Variants in ZNF493 observed in about 807,000 individuals in gnomAD.
The protein encoded by ZNF493 is zinc finger protein 493.
In ZNF493, 11 loss-of-function variants were observed where a neutral mutation model predicts 12.2. The ratio of observed to expected loss-of-function variants is 0.90; its 90% CI spans 0.57 to 1.50. ZNF493 has a LOEUF of 1.50. Among genes scored for constraint, ZNF493 ranks in the 40% most tolerant of loss-of-function variants. ZNF493 has a pLI of 0.00. For missense variants in ZNF493, 950 were observed against 906.6 expected, an observed-to-expected ratio of 1.05 and a Z score of -0.61; for synonymous variants, 286 against 302.6, an observed-to-expected ratio of 0.95 and a Z score of 0.57.
intron 3 of ZNF493, chr19:21,408,828 A>C (rs1318587186): frequency 2.0e-6 from 2 of 978,170 alleles, no homozygotes; most frequent in East Asian, 2.3e-4. Context: ...TTATCTATAA[A>C]TATGACCCCA....
intron 2 of ZNF493, 108 bp from the exon 3 acceptor site, chr19:21,405,653 G>A: frequency 8.9e-7 from 1 of 1,126,190 alleles, no homozygotes; most frequent in South Asian, 2.0e-5. Flanking sequence ...AGTATTTTGG[G>A]ATAAATTTTC....
At chr19:21,420,149 C>T (rs1016254932) in intron 3 of ZNF493, among the ~76,000 whole-genome samples, 2 of 152,164 alleles carry the variant, frequency 1.3e-5, no homozygotes, top group Admixed American at 1.3e-4. Flanking sequence ...ACACAGGCTT[C>T]TGGACCTCCT....
chr19:21,403,106 T>C (rs968855485), intron 1 of ZNF493, among the ~76,000 whole-genome samples: 9 of 152,242 alleles, frequency 5.9e-5, no homozygotes, highest in Non-Finnish European at 1.0e-4. Flanking sequence ...AGGGACAGAA[T>C]TGTGTCGGGA....
Position 21,424,094 on chromosome 19 carries a change from CAT to C in ZNF493, c.1437_1438del (p.His479GlnfsTer6), listed in dbSNP as rs778338969. The C allele has an allele frequency of 6.8e-5, 110 of 1,612,342 alleles. No individual in the cohort carries two copies. The highest frequency in any genetic ancestry group is 9.0e-5 in the Non-Finnish European group (106 of 1,179,132). The part of the protein sequence containing the change: ...AFKRSSTLTK[H>X]RIIHTEEKPY... ...TAAACGATCTTCAACCCTTACTAAACATAGGATAATTCATACTGAAGAGAAAC... is the reference window on the plus strand; with the variant it reads ...TAAACGATCTTCAACCCTTACTAAACAGGATAATTCATACTGAAGAGAAAC... On this transcript the variant is annotated frameshift_variant, in exon 4 of 4. Transcript: ENST00000392288. LOFTEE classifies it low-confidence loss of function (END_TRUNC).
At chr19:21,413,592 G>T in intron 3 of ZNF493, 2 of 407,068 alleles carry the variant, frequency 4.9e-6, no homozygotes, top group East Asian at 3.5e-5. Flanking sequence ...CAACGAGGGG[G>T]TCCTCGGGAT....
chr19:21,399,154 T>A (rs1286393250), intron 1 of ZNF493, among the ~76,000 whole-genome samples: 1 of 152,020 alleles, frequency 6.6e-6, no homozygotes, highest in Non-Finnish European at 1.5e-5. Context: ...TTTATTTATT[T>A]TTTATTTTTT....
chr19:21,399,165 AT>A (rs1335408106), intron 1 of ZNF493, among the ~76,000 whole-genome samples: 1 of 151,576 alleles, frequency 6.6e-6, no homozygotes, highest in Non-Finnish European at 1.5e-5. Flanking sequence ...TTTATTTTTT[AT>A]TTTTTTATTT....
intron 1 of ZNF493, among the ~76,000 whole-genome samples, chr19:21,402,188 C>T (rs779293316): frequency 1.3e-5 from 2 of 150,648 alleles, no homozygotes; most frequent in Admixed American, 6.6e-5. Flanking sequence ...AGGCTGGTCT[C>T]GATCTCCTGA....
At chr19:21,408,153 G>A in intron 3 of ZNF493, 1 of 944,034 alleles carries the variant, frequency 1.1e-6, no homozygotes, top group Non-Finnish European at 1.2e-6. Flanking sequence ...TGAGACAGGA[G>A]TCTCGCTCTG....
intron 3 of ZNF493, among the ~76,000 whole-genome samples, chr19:21,421,452 A>G (rs1360047528): frequency 6.6e-6 from 1 of 151,338 alleles, no homozygotes; most frequent in African/African-American, 2.4e-5. Context: ...CACAACTTCC[A>G]CCTCCCAGGT....
At chr19:21,408,799 A>G (rs2030221997) in intron 3 of ZNF493, 7 of 980,864 alleles carry the variant, frequency 7.1e-6, no homozygotes, top group Non-Finnish European at 8.5e-6. Flanking sequence ...GTCTATCACA[A>G]TCATATATGT....
rs576884770 is a variant in ZNF493 at position 21,427,076 on chromosome 19, G to A, written c.*2092G>A. On this transcript the variant is annotated 3_prime_UTR_variant, in exon 4 of 4. Transcript: ENST00000392288. ...GTGATCATTTGTTGCTGCATCAGAG[G>A]TATGAGAGATTCTTCTTCATTAGAT... 8.4e-5 allele frequency: 14 copies of A among 167,034 alleles called. No homozygotes were observed. The highest frequency in any genetic ancestry group is 6.2e-4 in the South Asian group (3 of 4,826). 10.3% of individuals were successfully genotyped at this position (167,034 alleles called of 1,614,324 possible).
At position 21,423,976 on chromosome 19, in the gene ZNF493, C is replaced by T; in HGVS notation, c.1317C>T (p.Gly439=). ...GEKPYKCEEC[G]KTFSVFSILT... The stretch of plus-strand genomic sequence containing the variant: ...AACCCTACAAATGTGAAGAATGTGG[C>T]AAAACCTTTAGTGTATTCTCAATTC... The change falls in exon 4 of 4, where the codon GGC becomes GGT. Residue 439 remains glycine (G), a synonymous_variant. Coordinates refer to ENST00000392288, the MANE Select transcript of ZNF493 (RefSeq NM_001076678.3). 6.2e-7 allele frequency: 1 copy of T among 1,613,476 alleles called. No individual in the cohort carries two copies. The highest frequency in any genetic ancestry group is 8.5e-7 in the Non-Finnish European group (1 of 1,179,802).
chr19:21,405,897 T>C, intron 3 of ZNF493, 41 bp downstream of exon 3: 1 of 555,798 alleles, frequency 1.8e-6, no homozygotes, highest in Non-Finnish European at 2.7e-6. Flanking sequence ...AGATGAAAGG[T>C]TGAAAGATTT....
At chr19:21,397,311 G>T (rs890941001) in intron 1 of ZNF493, 44 bp downstream of exon 1, 1 of 1,613,300 alleles carries the variant, frequency 6.2e-7, no homozygotes, top group Non-Finnish European at 8.5e-7. Context: ...GGAAGGAGTT[G>T]CTCGGAACCG....
intron 3 of ZNF493, among the ~76,000 whole-genome samples, chr19:21,420,684 C>G (rs1319250232): frequency 9.3e-6 from 1 of 107,078 alleles, no homozygotes; most frequent in Non-Finnish European, 1.7e-5. Context: ...ACACAATATC[C>G]TTCTGGCCTG....
chr19:21,419,411 C>A (rs1400561710), intron 3 of ZNF493, among the ~76,000 whole-genome samples: 1 of 152,144 alleles, frequency 6.6e-6, no homozygotes, highest in Non-Finnish European at 1.5e-5. Context: ...TTTTAACTCA[C>A]ATGATCACAA....
In ZNF493 at chr19:21,426,745, TAAAA is replaced by T. The variant is rs1190144468; in HGVS notation, c.*1766_*1769del. 6.0e-6 allele frequency: 1 copy of T among 166,736 alleles called. No individual in the cohort carries two copies. Among genetic ancestry groups the T allele is most frequent in the Non-Finnish European group, 1.5e-5 (1 of 67,988 alleles). 10.3% of individuals were successfully genotyped at this position (166,736 alleles called of 1,614,324 possible). Reference sequence around the variant, plus strand: ...TATATTTTCAAAGGTGTAGTAAAAATAAAAAAAATTTTAATCCAAATTTGTCTAT... The same window carrying T: ...TATATTTTCAAAGGTGTAGTAAAAATAAAATTTTAATCCAAATTTGTCTAT... On this transcript the variant is annotated 3_prime_UTR_variant, in exon 4 of 4. Transcript: ENST00000392288.
rs777181836 is a variant in ZNF493, at chr19:21,424,466, T to C, written c.1807T>C (p.Cys603Arg). The C allele has an allele frequency of 2.7e-5, 43 of 1,613,196 alleles. No homozygotes were observed. Among genetic ancestry groups the C allele is most frequent in the Admixed American group, 1.0e-4 (6 of 59,840 alleles). ...IIHTDKKPYKCEECGKAFNRS... is the reference protein window; with the variant it reads ...IIHTDKKPYKREECGKAFNRS... ...TCATACTGATAAGAAACCCTACAAA[T>C]GTGAAGAATGTGGCAAAGCTTTTAA... Residue 603 changes from cysteine (C) to arginine (R), a missense_variant, in exon 4 of 4, where the codon TGT (cysteine) becomes CGT (arginine). Cys to Arg is a radical substitution (Grantham distance 180, BLOSUM62 -3). Coordinates refer to ENST00000392288, the MANE Select transcript of ZNF493 (RefSeq NM_001076678.3).
Sources: allele counts gnomAD v4.1 joint callset (sites outside exome capture counted in the v4.1 genomes callset), GRCh38; gene constraint gnomAD v4.1.1; transcripts MANE v1.5; gene names NCBI Gene and HGNC (gene_info 2026-07-23, HGNC 2026-07-21).